Variants in CDCA2 observed in about 807,000 individuals in gnomAD.
CDCA2 encodes the protein cell division cycle-associated protein 2.
Under a neutral mutation model 67.0 loss-of-function variants are expected in CDCA2, and 44 were observed. The ratio of observed to expected loss-of-function variants is 0.66; its 90% confidence interval spans 0.52 to 0.84. The LOEUF is 0.84. CDCA2 is among the 40% of genes least tolerant of loss of function. The probability of loss-of-function intolerance (pLI) is 0.00; values close to 1 mark genes in which losing one functional copy is unlikely to be tolerated. For synonymous variants in CDCA2, 447 were observed against 418.7 expected (o/e 1.07, Z -0.82); for missense variants, 1,253 against 1,203.2 (o/e 1.04, Z -0.61).
chr8:25,462,141 T>C lies in CDCA2; in HGVS notation c.320T>C (p.Phe107Ser). 6.2e-7 allele frequency: 1 copy of C among 1,614,234 alleles called. No individual in the cohort carries two copies. Among genetic ancestry groups the C allele is most frequent in the Non-Finnish European group, 8.5e-7 (1 of 1,180,036 alleles). ...CCTGAAACAAACCATCTGATTCGTT[T>C]CATTGCTCGGCAGCAAAATATAAAG... is the stretch of plus-strand genomic sequence containing the variant. ...GSPETNHLIR[F>S]IARQQNIKNA... is the part of the protein sequence containing the mutation. The change falls in exon 4 of 15, where the codon TTC becomes TCC. Residue 107 changes from phenylalanine to serine, a missense_variant. Physicochemically the swap from Phe to Ser is radical, Grantham distance 155. Transcript: ENST00000330560.
At chr8:25,459,977 A>G (rs1802611201) in intron 1 of CDCA2, among the ~76,000 whole-genome samples, 1 of 152,256 alleles carries the variant, frequency 6.6e-6, no homozygotes, top group Non-Finnish European at 1.5e-5. Context: ...AACAAAAAGG[A>G]TAAATATTTG....
At position 25,484,224 on chromosome 8, in the gene CDCA2, G is replaced by A. The variant is rs773109461; in HGVS notation, c.1365+14G>A. 8.6e-5 allele frequency: 138 copies of A among 1,611,414 alleles called. No homozygotes were observed. Among genetic ancestry groups the A allele is most frequent in the Non-Finnish European group, 1.3e-5 (15 of 1,177,912 alleles). On this transcript the variant is annotated intron_variant, in intron 10 of 14. Coordinates refer to ENST00000330560, the MANE Select transcript of CDCA2 (RefSeq NM_152562.4). ...GGGGAGAATCTTGTAAGTATGAAAA[G>A]CGTGGAACAAGCTTGCCATATGTAT...
rs1309076141 is a variant in CDCA2, at chr8:25,507,893, T to C, written c.*155T>C. 3 of 610,320 alleles carry C rather than the reference T, an allele frequency of 4.9e-6. No individual in the cohort carries two copies. Among genetic ancestry groups the C allele is most frequent in the African/African-American group, 3.8e-5 (2 of 52,942 alleles). The allele number at this position is 610,320 out of a possible 1,614,324, so 37.8% of individuals were successfully genotyped here. On this transcript the variant is annotated 3_prime_UTR_variant, in exon 15 of 15. Coordinates refer to ENST00000330560, the MANE Select transcript of CDCA2 (RefSeq NM_152562.4). ...GAACCTACTTTTATGTAGAAATAAA[T>C]AAGTTTCTTCATCATTCAGATAGAA... is the stretch of plus-strand genomic sequence containing the variant.
At chr8:25,491,932 G>A (rs1436739221) in intron 13 of CDCA2, among the ~76,000 whole-genome samples, 1 of 152,048 alleles carries the variant, frequency 6.6e-6, no homozygotes, top group Non-Finnish European at 1.5e-5. Flanking sequence ...CAGTTAGCTG[G>A]GACTACAGGA....
At chr8:25,487,172 A>G in intron 11 of CDCA2, 74 bp from the exon 12 acceptor site, 1 of 878,756 alleles carries the variant, frequency 1.1e-6, no homozygotes, top group Admixed American at 1.8e-5. Flanking sequence ...TCCTAAACAC[A>G]GTGTTTCCAA....
intron 4 of CDCA2, among the ~76,000 whole-genome samples, chr8:25,462,879 C>T (rs931171920): frequency 6.6e-6 from 1 of 152,082 alleles, no homozygotes; most frequent in African/African-American, 2.4e-5. Flanking sequence ...TGGGGCCTCA[C>T]TATGTTGCCC....
chr8:25,489,995 A>G (rs1265914407), intron 13 of CDCA2, among the ~76,000 whole-genome samples: 2 of 152,144 alleles, frequency 1.3e-5, no homozygotes, highest in Non-Finnish European at 2.9e-5. Flanking sequence ...TTCCCCCTCT[A>G]TGAAATAAAA....
chr8:25,466,360 A>T, intron 5 of CDCA2, 35 bp downstream of exon 5: 5 of 1,526,324 alleles, frequency 3.3e-6, no homozygotes, highest in Non-Finnish European at 4.4e-6. Context: ...TTTGACTTCA[A>T]TATTTATAAA....
intron 8 of CDCA2, among the ~76,000 whole-genome samples, chr8:25,481,757 C>T (rs1425402936): frequency 6.6e-6 from 1 of 152,102 alleles, no homozygotes; most frequent in Non-Finnish European, 1.5e-5. Context: ...AATTAGGAGG[C>T]ATATAAAATG....
intron 6 of CDCA2, 103 bp downstream of exon 6, chr8:25,468,516 GC>G (rs759089948): frequency 5.1e-6 from 4 of 789,368 alleles, no homozygotes; most frequent in Non-Finnish European, 8.1e-6. Flanking sequence ...ACCTTGTTCT[GC>G]CCTGTGGTTC....
chr8:25,491,455 A>C (rs779535126), intron 13 of CDCA2, among the ~76,000 whole-genome samples: 1 of 152,336 alleles, frequency 6.6e-6, no homozygotes, highest in African/African-American at 2.4e-5. Flanking sequence ...CTACAGAGAA[A>C]TAAGAACCAG....
At chr8:25,478,886 GTGTATATA>G (rs56716401) in intron 7 of CDCA2, among the ~76,000 whole-genome samples, 2,511 of 119,776 alleles carry the variant, frequency 0.021, 57 homozygotes, top group African/African-American at 0.068. Context: ...TGTTGTGTGT[GTGTATATA>G]TATATATATA....
At chr8:25,489,696 T>C (rs1209144572) in intron 13 of CDCA2, among the ~76,000 whole-genome samples, 1 of 152,208 alleles carries the variant, frequency 6.6e-6, no homozygotes, top group Non-Finnish European at 1.5e-5. Flanking sequence ...GCATTTGACA[T>C]GATGGAACAC....
At position 25,507,582 on chromosome 8, in the gene CDCA2, TAAG is replaced by T. The variant is rs1804735613; in HGVS notation, c.2918_2920del (p.Lys973del). 1 of 1,614,028 alleles carries T rather than the reference TAAG, an allele frequency of 6.2e-7. No individual in the cohort carries two copies. Among genetic ancestry groups the T allele is most frequent in the Admixed American group, 1.7e-5 (1 of 59,996 alleles). ...CTGCTGGTTCTTCCGATGAACCTGG[TAAG>T]AGGAGGAAGAGCTTTTGTATATCTA... On this transcript the variant is annotated inframe_deletion, in exon 15 of 15. Coordinates refer to ENST00000330560, the MANE Select transcript of CDCA2 (RefSeq NM_152562.4).
In CDCA2 at chr8:25,462,128, C is replaced by T. The variant is rs773960353; in HGVS notation, c.307C>T (p.His103Tyr). The change falls in exon 4 of 15, where the codon CAT (histidine) becomes TAT (tyrosine). Residue 103 changes from histidine to tyrosine, a missense_variant. His to Tyr is a moderately conservative substitution (Grantham distance 83). Transcript: ENST00000330560. The stretch of plus-strand genomic sequence containing the variant: ...TGCTCGGGGCTCTCCTGAAACAAAC[C>T]ATCTGATTCGTTTCATTGCTCGGCA... The part of the protein sequence containing the change: ...VGARGSPETN[H>Y]LIRFIARQQN... 38 of 1,614,016 alleles carry T rather than the reference C, an allele frequency of 2.4e-5. No individual in the cohort carries two copies. The highest frequency in any genetic ancestry group is 3.1e-5 in the Non-Finnish European group (36 of 1,179,998).
In CDCA2 at chr8:25,484,073, G is replaced by A; in HGVS notation, c.1228G>A (p.Ala410Thr). Residue 410 changes from alanine to threonine, a missense_variant, in exon 10 of 15, where the codon GCA becomes ACA. Ala to Thr is a moderately conservative substitution (Grantham distance 58, BLOSUM62 0). Coordinates refer to ENST00000330560, the MANE Select transcript of CDCA2 (RefSeq NM_152562.4). ...SPEVFDESLP[A>T]NTPLRKGGTP... The stretch of plus-strand genomic sequence containing the variant: ...GGAAGTGTTTGATGAATCTTTGCCA[G>A]CAAATACTCCATTGCGTAAAGGAGG... 2 of 1,614,168 alleles carry A rather than the reference G, an allele frequency of 1.2e-6. No individual in the cohort carries two copies. The highest frequency in any genetic ancestry group is 8.5e-7 in the Non-Finnish European group (1 of 1,180,040).
chr8:25,488,188 T>C (rs1402315682), intron 12 of CDCA2, among the ~76,000 whole-genome samples: 1 of 152,208 alleles, frequency 6.6e-6, no homozygotes, highest in Non-Finnish European at 1.5e-5. Context: ...GATTCAAACC[T>C]AGATAATCTA....
At chr8:25,472,255 TTA>T (rs1803185378) in intron 7 of CDCA2, 1 of 142,430 alleles carries the variant, frequency 7.0e-6, no homozygotes, top group South Asian at 2.4e-4. Flanking sequence ...TATTTTTTAT[TTA>T]TTTTTTTTTT....
rs763921735 is a variant in CDCA2 at position 25,484,112 on chromosome 8, A to G, written c.1267A>G (p.Lys423Glu). Residue 423 changes from lysine to glutamate, a missense_variant, in exon 10 of 15, where the codon AAA (lysine) becomes GAA (glutamate). Physicochemically the swap from Lys to Glu is moderately conservative, Grantham distance 56. Transcript: ENST00000330560. ...GCGTAAAGGAGGAACACCTGTTTGT[A>G]AAAAAGACTTCAGTGGTCTCAGTTC... The part of the protein sequence containing the change: ...PLRKGGTPVC[K>E]KDFSGLSSLL... The G allele has an allele frequency of 6.2e-7, 1 of 1,614,170 alleles. No homozygotes were observed. Among genetic ancestry groups the G allele is most frequent in the African/African-American group, 1.3e-5 (1 of 75,060 alleles).
Sources: gnomAD v4.1 joint callset for allele counts (sites outside exome capture counted in the v4.1 genomes callset) on GRCh38, gnomAD v4.1.1 for gene constraint, MANE v1.5 for transcripts, NCBI Gene and HGNC (gene_info 2026-07-23, HGNC 2026-07-21) for gene names.